ACVR2A: variants seen among roughly 807,000 people sequenced by gnomAD.
ACVR2A encodes activin receptor type-2A.
A neutral mutation model predicts 61.4 loss-of-function variants in ACVR2A; 7 were observed. The observed-to-expected ratio is 0.11, with a 90% CI of 0.06 to 0.21. ACVR2A has a LOEUF of 0.21. Among genes scored for constraint, ACVR2A ranks in the 10% least tolerant of loss-of-function variants. The probability of loss-of-function intolerance (pLI) is 1.00; values close to 1 mark genes in which losing one functional copy is unlikely to be tolerated. For missense variants in ACVR2A, 322 were observed against 621.7 expected (o/e 0.52, Z 5.13); for synonymous variants, 193 against 208.3 (o/e 0.93, Z 0.63).
At chr2:147,872,428 G>A (rs912464598) in intron 1 of ACVR2A, among the ~76,000 whole-genome samples, 2 of 151,576 alleles carry the variant, frequency 1.3e-5, no homozygotes, top group Non-Finnish European at 2.9e-5. Context: ...CAGTCTGGCA[G>A]CAATAGACTG....
intron 1 of ACVR2A, among the ~76,000 whole-genome samples, chr2:147,882,543 G>A (rs1686330837): frequency 6.6e-6 from 1 of 152,148 alleles, no homozygotes; most frequent in Non-Finnish European, 1.5e-5. Context: ...AACAGAGTGA[G>A]ACTCTGTCTC....
chr2:147,926,145 A>T lies in ACVR2A; in HGVS notation c.1331A>T (p.Tyr444Phe). ...HKKKRPVLRD[Y>F]WQKHAGMAML... ...AAAAAGAGGCCTGTTTTAAGAGATT[A>T]TTGGCAGAAACATGCTGTAAGTTAT... Residue 444 changes from tyrosine to phenylalanine, a missense_variant, in exon 10 of 11, where the codon TAT becomes TTT. Physicochemically the swap from Tyr to Phe is conservative, Grantham distance 22. Around this residue, in one of 3 missense-constraint regions of ACVR2A, gnomAD observed 146 missense variants for 383.8 expected, o/e 0.38. Coordinates refer to ENST00000241416, the MANE Select transcript of ACVR2A (RefSeq NM_001616.5). 6.2e-7 allele frequency: 1 copy of T among 1,610,496 alleles called. No individual in the cohort carries two copies. Among genetic ancestry groups the T allele is most frequent in the Non-Finnish European group, 8.5e-7 (1 of 1,178,174 alleles).
At chr2:147,918,676 C>T (rs1406578519) in intron 7 of ACVR2A, 84 bp downstream of exon 7, 3 of 1,246,488 alleles carry the variant, frequency 2.4e-6, no homozygotes, top group Non-Finnish European at 3.2e-6. Context: ...TTTAATTTTT[C>T]CTTTGTTATG....
intron 5 of ACVR2A, among the ~76,000 whole-genome samples, 167 bp from the exon 6 acceptor site, chr2:147,917,116 T>G (rs1321481497): frequency 6.6e-6 from 1 of 151,996 alleles, no homozygotes; most frequent in Non-Finnish European, 1.5e-5. Context: ...ATAAATTTGT[T>G]AACCTATTGT....
At chr2:147,926,943 G>T in intron 10 of ACVR2A, 137 bp from the exon 11 acceptor site, 1 of 767,706 alleles carries the variant, frequency 1.3e-6, no homozygotes, top group Non-Finnish European at 2.1e-6. Context: ...TTCTGCACAT[G>T]GTAGTCAATA....
intron 1 of ACVR2A, among the ~76,000 whole-genome samples, chr2:147,849,476 A>G (rs1685396759): frequency 6.6e-6 from 1 of 152,188 alleles, no homozygotes; most frequent in Non-Finnish European, 1.5e-5. Context: ...TTAATTACAT[A>G]ATTATCTTGA....
chr2:147,910,754 A>AGT (rs1195724528), intron 4 of ACVR2A, among the ~76,000 whole-genome samples: 1 of 152,072 alleles, frequency 6.6e-6, no homozygotes, highest in Non-Finnish European at 1.5e-5. Flanking sequence ...GTTCTCTATC[A>AGT]GTGTCTGAGT....
chr2:147,925,922 G>A (rs1322266903), intron 9 of ACVR2A, 109 bp from the exon 10 acceptor site: 2 of 1,126,472 alleles, frequency 1.8e-6, no homozygotes, highest in African/African-American at 1.6e-5. Flanking sequence ...CTCATAGCAT[G>A]TAAACAGTTG....
intron 1 of ACVR2A, among the ~76,000 whole-genome samples, chr2:147,886,528 T>C (rs1686435983): frequency 6.6e-6 from 1 of 152,234 alleles, no homozygotes; most frequent in African/African-American, 2.4e-5. Flanking sequence ...CATAGGAGAA[T>C]TGTGATAGGT....
chr2:147,876,253 C>G (rs1686151320), intron 1 of ACVR2A, among the ~76,000 whole-genome samples: 1 of 151,970 alleles, frequency 6.6e-6, no homozygotes, highest in Non-Finnish European at 1.5e-5. Flanking sequence ...TGTAATTTGT[C>G]TCACTTTTTT....
rs1686735484 is a variant in ACVR2A at position 147,896,505 on chromosome 2, A to G, written c.260A>G (p.Asp87Gly). The change falls in exon 2 of 11, where the codon GAC becomes GGC. Residue 87 changes from aspartate to glycine, a missense_variant. By Grantham distance (94) the Asp-to-Gly change is moderately conservative. Around this residue, in one of 3 missense-constraint regions of ACVR2A, gnomAD observed 142 missense variants for 200.3 expected, o/e 0.71. Transcript: ENST00000241416. Reference protein sequence around the residue: ...GCWLDDINCYDRTDCVEKKDS... With the variant: ...GCWLDDINCYGRTDCVEKKDS... ...TGGCTGGATGATATCAACTGCTATGACAGGTAAGAACACATTTAAGATTTT... is the reference window on the plus strand; with the variant it reads ...TGGCTGGATGATATCAACTGCTATGGCAGGTAAGAACACATTTAAGATTTT... 1 of 1,613,742 alleles carries G rather than the reference A, an allele frequency of 6.2e-7. No homozygotes were observed. The highest frequency in any genetic ancestry group is 8.5e-7 in the Non-Finnish European group (1 of 1,179,732).
At chr2:147,880,298 A>C (rs1169500465) in intron 1 of ACVR2A, among the ~76,000 whole-genome samples, 2 of 152,068 alleles carry the variant, frequency 1.3e-5, no homozygotes, top group East Asian at 1.9e-4. Context: ...CTGCCTTCCA[A>C]AGTATTGGGA....
At chr2:147,912,556 A>G (rs1207430499) in intron 4 of ACVR2A, among the ~76,000 whole-genome samples, 1 of 151,938 alleles carries the variant, frequency 6.6e-6, no homozygotes, top group African/African-American at 2.4e-5. Flanking sequence ...TTTTAAAGGT[A>G]TACATTTTTA....
chr2:147,885,056 C>T (rs1686394312), intron 1 of ACVR2A, among the ~76,000 whole-genome samples: 2 of 152,080 alleles, frequency 1.3e-5, no homozygotes, highest in Non-Finnish European at 2.9e-5. Context: ...CTTAATAGCC[C>T]TGCTTTAGTT....
chr2:147,901,095 T>A (rs1686862616), intron 4 of ACVR2A, among the ~76,000 whole-genome samples: 1 of 152,096 alleles, frequency 6.6e-6, no homozygotes, highest in African/African-American at 2.4e-5. Flanking sequence ...GCTAAGTTTG[T>A]GTTCATTAAG....
intron 1 of ACVR2A, 29 bp downstream of exon 1, chr2:147,845,236 G>T: frequency 6.2e-7 from 1 of 1,606,224 alleles, no homozygotes; most frequent in South Asian, 1.1e-5. Flanking sequence ...GCGCGGTGGG[G>T]CTGCTCCTGC....
At chr2:147,888,187 C>T (rs1686490392) in intron 1 of ACVR2A, among the ~76,000 whole-genome samples, 1 of 152,126 alleles carries the variant, frequency 6.6e-6, no homozygotes, top group African/African-American at 2.4e-5. Context: ...GTTTCTGTCC[C>T]TCTGTCAGTA....
Position 147,913,517 on chromosome 2 carries a change from A to G in ACVR2A, c.529-1674A>G, listed in dbSNP as rs1687170796. On this transcript the variant is annotated intron_variant, in intron 4 of 10. Transcript: ENST00000241416. ...ATAACTCTTTGCCCTTGAGGACTGAATGGTTTCCTTTCCTGTAGAAGAGTT... is the reference window on the plus strand; with the variant it reads ...ATAACTCTTTGCCCTTGAGGACTGAGTGGTTTCCTTTCCTGTAGAAGAGTT... Among the ~76,000 whole-genome samples the G allele has an allele frequency of 2.6e-5, 4 of 151,846 alleles. No individual in the cohort carries two copies. The South Asian group carries it at 8.3e-4, about 32-fold the overall frequency.
At chr2:147,847,907 T>A (rs565800436) in intron 1 of ACVR2A, among the ~76,000 whole-genome samples, 5 of 152,246 alleles carry the variant, frequency 3.3e-5, no homozygotes, top group Non-Finnish European at 5.9e-5. Flanking sequence ...GTACTTAGAT[T>A]TATCCTATCT....
Sources: allele counts gnomAD v4.1 joint callset (sites outside exome capture counted in the v4.1 genomes callset), GRCh38; gene constraint gnomAD v4.1.1; regional missense constraint gnomAD v4.1.1; transcripts MANE v1.5; gene names NCBI Gene and HGNC (gene_info 2026-07-23, HGNC 2026-07-21).